SYT14: variants seen among roughly 807,000 people sequenced by gnomAD.
The protein encoded by SYT14 is synaptotagmin-14.
In SYT14, 32 loss-of-function variants were observed where a neutral mutation model predicts 74.2. That is an observed-to-expected ratio of 0.43 (90% CI 0.33 to 0.58). The LOEUF is 0.58. Ranked by LOEUF, SYT14 falls within the 20% of genes least tolerant of loss-of-function variation. The probability of loss-of-function intolerance (pLI) is 0.05; values close to 1 mark genes in which losing one functional copy is unlikely to be tolerated. For synonymous variants in SYT14, 298 were observed against 337.7 expected, an observed-to-expected ratio of 0.88 and a Z score of 1.29; for missense variants, 791 against 981.8, an observed-to-expected ratio of 0.81 and a Z score of 2.60.
chr1:210,138,693 T>C (rs975289626), intron 7 of SYT14, among the ~76,000 whole-genome samples: 3 of 152,200 alleles, frequency 2.0e-5, no homozygotes, highest in African/African-American at 7.2e-5. Flanking sequence ...CAGGTAGTTT[T>C]AATTATTTGC....
intron 7 of SYT14, among the ~76,000 whole-genome samples, chr1:210,155,297 G>T (rs1227959870): frequency 1.3e-5 from 2 of 152,038 alleles, no homozygotes; most frequent in Admixed American, 6.5e-5. Context: ...TGTTTTAGAT[G>T]TTGGCTTATA....
intron 7 of SYT14, among the ~76,000 whole-genome samples, chr1:210,107,454 A>G (rs2082179144): frequency 6.6e-6 from 1 of 152,226 alleles, no homozygotes; most frequent in Non-Finnish European, 1.5e-5. Flanking sequence ...CTGACATTTG[A>G]TTGACAGTGT....
At chr1:210,160,185 A>T (rs1194327398) in intron 9 of SYT14, among the ~76,000 whole-genome samples, 1 of 151,872 alleles carries the variant, frequency 6.6e-6, no homozygotes, top group Non-Finnish European at 1.5e-5. Context: ...CCATGCAGAG[A>T]TTTTTTTTGA....
At chr1:210,101,756 T>G (rs1275879192) in intron 7 of SYT14, among the ~76,000 whole-genome samples, 1 of 152,132 alleles carries the variant, frequency 6.6e-6, no homozygotes, top group Non-Finnish European at 1.5e-5. Context: ...ATTTCTAAAC[T>G]TCTTCATTAT....
intron 7 of SYT14, among the ~76,000 whole-genome samples, chr1:210,102,848 A>AT (rs939200971): frequency 0.011 from 1,592 of 145,778 alleles, 25 homozygotes; most frequent in African/African-American, 0.037. Context: ...GGCCTGGCTA[A>AT]TTTTTTTTTT....
At chr1:210,118,859 T>C (rs1284521129) in intron 7 of SYT14, among the ~76,000 whole-genome samples, 1 of 152,170 alleles carries the variant, frequency 6.6e-6, no homozygotes, top group East Asian at 1.9e-4. Context: ...GGTCTACCCT[T>C]TACAAATGAA....
chr1:210,010,407 C>T (rs1361431227), intron 2 of SYT14, among the ~76,000 whole-genome samples: 4 of 151,988 alleles, frequency 2.6e-5, no homozygotes, highest in East Asian at 1.9e-4. Context: ...ATATGACTGC[C>T]GTGATTATTG....
intron 5 of SYT14, among the ~76,000 whole-genome samples, chr1:210,066,612 A>G (rs1246081879): frequency 1.3e-5 from 2 of 152,036 alleles, no homozygotes; most frequent in African/African-American, 2.4e-5. Flanking sequence ...AGTTCATTGT[A>G]TTCCGGATGT....
At chr1:210,153,434 A>T (rs1210761909) in intron 7 of SYT14, among the ~76,000 whole-genome samples, 5 of 152,332 alleles carry the variant, frequency 3.3e-5, no homozygotes, top group Middle Eastern at 3.4e-3. Flanking sequence ...AACAGTTTAT[A>T]TAGTACTTTT....
At chr1:210,101,093 A>T (rs1454700769) in intron 7 of SYT14, among the ~76,000 whole-genome samples, 2 of 152,102 alleles carry the variant, frequency 1.3e-5, no homozygotes, top group African/African-American at 4.8e-5. Flanking sequence ...TCACATATAA[A>T]TCTCTCTCTG....
chr1:210,108,816 C>T (rs1402690161), intron 7 of SYT14, among the ~76,000 whole-genome samples: 10 of 151,942 alleles, frequency 6.6e-5, no homozygotes, highest in Non-Finnish European at 8.8e-5. Flanking sequence ...GACTGAAAGT[C>T]CCAAGGATAT....
At chr1:210,150,005 T>A (rs914433474) in intron 7 of SYT14, among the ~76,000 whole-genome samples, 9 of 152,198 alleles carry the variant, frequency 5.9e-5, no homozygotes, top group Non-Finnish European at 1.0e-4. Flanking sequence ...CAGATTTTGG[T>A]TGGGAGACTA....
chr1:209,954,710 T>C lies in SYT14; in HGVS notation c.-486+1954T>C, dbSNP rs371918909. Among the ~76,000 whole-genome samples, 355 of 147,262 alleles carry C rather than the reference T, an allele frequency of 2.4e-3. 1 individual carries two copies. The highest frequency in any genetic ancestry group is 8.3e-3 in the African/African-American group (337 of 40,510). ...ACAACCTCCTTTATTCTTTCTCTCT[T>C]TTTTTTTTTTTTCCAGAGACAGATT... On this transcript the variant is annotated intron_variant, in intron 2 of 9. Coordinates refer to ENST00000637265, the Ensembl canonical transcript of SYT14.
exon 10 of SYT14, chr1:210,160,953 T>C: frequency 1.2e-6 from 2 of 1,613,940 alleles, no homozygotes; most frequent in Non-Finnish European, 1.7e-6. Flanking sequence ...TCTCAACAGC[T>C]CTGGAGAAGA....
At chr1:210,063,436 C>A (rs764761925) in intron 5 of SYT14, among the ~76,000 whole-genome samples, 2 of 151,768 alleles carry the variant, frequency 1.3e-5, no homozygotes, top group African/African-American at 4.8e-5. Context: ...ATGACAGTGT[C>A]TAATGCTGTA....
At chr1:210,113,684 G>A (rs1167239174) in intron 7 of SYT14, among the ~76,000 whole-genome samples, 1 of 150,928 alleles carries the variant, frequency 6.6e-6, no homozygotes, top group African/African-American at 2.5e-5. Context: ...AGAAGGGGAG[G>A]ATGTGAAGGA....
chr1:210,127,708 G>T (rs576649763), intron 7 of SYT14, among the ~76,000 whole-genome samples: 1 of 152,218 alleles, frequency 6.6e-6, no homozygotes, highest in African/African-American at 2.4e-5. Flanking sequence ...CTCTTTCCAA[G>T]TATATAATAT....
chr1:210,058,942 GGAGT>G (rs1475277158), intron 5 of SYT14, among the ~76,000 whole-genome samples: 1 of 152,154 alleles, frequency 6.6e-6, no homozygotes, highest in East Asian at 1.9e-4. Flanking sequence ...TCAGAGGGAG[GGAGT>G]AACAAAAGCA....
intron 5 of SYT14, among the ~76,000 whole-genome samples, chr1:210,088,199 GT>G (rs58313430): frequency 0.18 from 25,736 of 141,856 alleles, 4,934 homozygotes; most frequent in African/African-American, 0.44. Flanking sequence ...TTTACAGTGA[GT>G]TTTTTTTTTT....
Sources: gnomAD v4.1 joint callset for allele counts (sites outside exome capture counted in the v4.1 genomes callset) on GRCh38, gnomAD v4.1.1 for gene constraint, MANE v1.5 for transcripts, NCBI Gene and HGNC (gene_info 2026-07-23, HGNC 2026-07-21) for gene names.